The following GPR149 variants were observed in gnomAD, a reference collection of about 807,000 sequenced individuals.
GPR149 encodes the protein probable G protein-coupled receptor 149.
In GPR149, 50 loss-of-function variants were observed where a neutral mutation model predicts 50.2. The ratio of observed to expected loss-of-function variants is 1.00; its 90% CI spans 0.79 to 1.26. The LOEUF (loss-of-function observed/expected upper bound fraction) is 1.26. Ranked by LOEUF, GPR149 falls within the 50% of genes most tolerant of loss-of-function variation. The pLI is 0.00. For synonymous variants in GPR149, 405 were observed against 358.2 expected (o/e 1.13, Z -1.48); for missense variants, 983 against 895.4 (o/e 1.10, Z -1.25).
chr3:154,380,192 GA>G, intron 3 of GPR149, among the ~76,000 whole-genome samples: 1 of 151,722 alleles, frequency 6.6e-6, no homozygotes, highest in Admixed American at 6.6e-5. Context: ...GAGAGAGAGA[GA>G]GAGAGAGAGA....
intron 3 of GPR149, among the ~76,000 whole-genome samples, chr3:154,410,558 G>T (rs1381742847): frequency 2.0e-5 from 3 of 151,986 alleles, no homozygotes. Context: ...ATCAGACAAA[G>T]CAAACTGTAA....
At chr3:154,428,196 C>G (rs951515952) in intron 1 of GPR149, among the ~76,000 whole-genome samples, 1 of 152,226 alleles carries the variant, frequency 6.6e-6, no homozygotes, top group African/African-American at 2.4e-5. Context: ...CTCTCCTCCC[C>G]TCTATCCCGC....
intron 3 of GPR149, among the ~76,000 whole-genome samples, chr3:154,409,483 T>C (rs557217795): frequency 1.6e-4 from 25 of 152,004 alleles, no homozygotes; most frequent in African/African-American, 6.0e-4. Flanking sequence ...AAAAACATGA[T>C]ACAGGATACG....
chr3:154,352,999 T>C (rs993176260), intron 3 of GPR149: 1 of 1,214,328 alleles, frequency 8.2e-7, no homozygotes, highest in Admixed American at 1.7e-5. Context: ...GCAGCCACAT[T>C]GGTTGCCACC....
At chr3:154,366,065 C>T (rs1030958880) in intron 3 of GPR149, among the ~76,000 whole-genome samples, 4 of 152,078 alleles carry the variant, frequency 2.6e-5, no homozygotes, top group Admixed American at 1.3e-4. Context: ...CTTATGGTAC[C>T]AATCTGTAAG....
At chr3:154,377,418 G>A (rs921346854) in intron 3 of GPR149, among the ~76,000 whole-genome samples, 1 of 150,840 alleles carries the variant, frequency 6.6e-6, no homozygotes, top group African/African-American at 2.4e-5. Flanking sequence ...CCAGGCTGGA[G>A]TGCAGTGGTG....
intron 3 of GPR149, among the ~76,000 whole-genome samples, chr3:154,350,329 C>G (rs573875956): frequency 3.9e-5 from 6 of 152,276 alleles, no homozygotes; most frequent in African/African-American, 1.4e-4. Context: ...AATCCTCAAG[C>G]TAATGATTGA....
chr3:154,399,879 T>C (rs1711508256), intron 3 of GPR149, among the ~76,000 whole-genome samples: 1 of 152,208 alleles, frequency 6.6e-6, no homozygotes, highest in South Asian at 2.1e-4. Context: ...GTTAACAGCA[T>C]ATTATAGAGC....
At chr3:154,354,468 A>G (rs1714168288) in intron 3 of GPR149, among the ~76,000 whole-genome samples, 1 of 151,954 alleles carries the variant, frequency 6.6e-6, no homozygotes, top group South Asian at 2.1e-4. Flanking sequence ...TCTTCAGCTG[A>G]TTTCTTTTTT....
At chr3:154,418,616 G>A (rs1355771684) in intron 3 of GPR149, among the ~76,000 whole-genome samples, 1 of 126,976 alleles carries the variant, frequency 7.9e-6, no homozygotes, top group African/African-American at 3.1e-5. Context: ...ATTGAACAAT[G>A]AGATCACATG....
At chr3:154,358,718 A>C (rs1431929113) in intron 3 of GPR149, among the ~76,000 whole-genome samples, 2 of 152,160 alleles carry the variant, frequency 1.3e-5, no homozygotes, top group African/African-American at 4.8e-5. Context: ...GAAACCTGTA[A>C]GGATGATTTA....
At chr3:154,348,916 A>G (rs912707458) in intron 3 of GPR149, among the ~76,000 whole-genome samples, 1 of 152,166 alleles carries the variant, frequency 6.6e-6, no homozygotes, top group Non-Finnish European at 1.5e-5. Context: ...AGGAAACACA[A>G]TTAAACAGTA....
chr3:154,383,721 T>TC (rs1714982949), intron 3 of GPR149, among the ~76,000 whole-genome samples: 1 of 151,980 alleles, frequency 6.6e-6, no homozygotes, highest in Non-Finnish European at 1.5e-5. Flanking sequence ...GATGTTTGTG[T>TC]CCCCCCAAAA....
rs1026200898 is a variant in GPR149, at chr3:154,336,483, A to C, written c.*1216T>G. Reference sequence around the variant, plus strand: ...TAAACTTTTAGGTAATACATTTCATATATGTTTACAGGAAGGTTAGAATAA... The same window carrying C: ...TAAACTTTTAGGTAATACATTTCATCTATGTTTACAGGAAGGTTAGAATAA... On this transcript the variant is annotated 3_prime_UTR_variant, in exon 4 of 4. Coordinates refer to ENST00000389740, the MANE Select transcript of GPR149 (RefSeq NM_001038705.3). 3.9e-5 allele frequency: 6 copies of C among 152,224 alleles called. No homozygotes were observed. The East Asian group carries it at 1.2e-3, about 29-fold the overall frequency. The allele number at this position is 152,224 out of a possible 1,614,324, so 9.4% of individuals were successfully genotyped here.
At chr3:154,411,333 T>C (rs1357812566) in intron 3 of GPR149, among the ~76,000 whole-genome samples, 2 of 151,520 alleles carry the variant, frequency 1.3e-5, no homozygotes, top group African/African-American at 4.9e-5. Context: ...AGGAAAGAAA[T>C]AACAAATATC....
chr3:154,362,924 G>A (rs72998664), intron 3 of GPR149, among the ~76,000 whole-genome samples: 1,972 of 152,262 alleles, frequency 0.013, 44 homozygotes, highest in African/African-American at 0.045. Context: ...CTATTTAGAG[G>A]TATTCCATTG....
chr3:154,428,676 T>C lies in GPR149; in HGVS notation c.940A>G (p.Ile314Val). The C allele has an allele frequency of 6.2e-7, 1 of 1,613,838 alleles. No individual in the cohort carries two copies. Among genetic ancestry groups the C allele is most frequent in the Non-Finnish European group, 8.5e-7 (1 of 1,179,954 alleles). Residue 314 changes from isoleucine (I) to valine (V), a missense_variant, in exon 1 of 4, where the codon ATC (isoleucine) becomes GTC (valine). Ile to Val is a conservative substitution (Grantham distance 29, BLOSUM62 3). Transcript: ENST00000389740. ...AGGACGACTTTTGTAAGCGCTAGGATCAAAGCGAAGCGCTTCTGCGCTACG... is the reference window on the plus strand; with the variant it reads ...AGGACGACTTTTGTAAGCGCTAGGACCAAAGCGAAGCGCTTCTGCGCTACG... ...VSVAQKRFAL[I>V]LALTKVVLWL...
Position 154,337,910 on chromosome 3 carries a change from A to C in GPR149, c.1985T>G (p.Val662Gly). The change falls in exon 4 of 4, where the codon GTT becomes GGT. Residue 662 changes from valine to glycine, a missense_variant. Transcript: ENST00000389740. ...LRYSRKENRF[V>G]SCDLGETASY... is the part of the protein sequence containing the mutation. ...GGCTGTTTCCCCTAGGTCACATGAA[A>C]CAAATCTGTTTTCTTTCCTGGAGTA... 1 of 1,613,004 alleles carries C rather than the reference A, an allele frequency of 6.2e-7. No individual in the cohort carries two copies. The highest frequency in any genetic ancestry group is 8.5e-7 in the Non-Finnish European group (1 of 1,179,438).
At chr3:154,368,530 C>G (rs1268057956) in intron 3 of GPR149, among the ~76,000 whole-genome samples, 1 of 152,198 alleles carries the variant, frequency 6.6e-6, no homozygotes, top group African/African-American at 2.4e-5. Flanking sequence ...ATAGGTTTTC[C>G]CCTTCCTTAG....
Sources: allele counts gnomAD v4.1 joint callset (sites outside exome capture counted in the v4.1 genomes callset), GRCh38; gene constraint gnomAD v4.1.1; transcripts MANE v1.5; gene names NCBI Gene and HGNC (gene_info 2026-07-23, HGNC 2026-07-21).